The following ZKSCAN5 variants were observed in gnomAD, a reference collection of about 807,000 sequenced individuals.
The protein encoded by ZKSCAN5 is zinc finger protein with KRAB and SCAN domains 5.
Under a neutral mutation model 60.0 loss-of-function variants are expected in ZKSCAN5, and 28 were observed. The ratio of observed to expected loss-of-function variants is 0.47; its 90% CI spans 0.35 to 0.64. ZKSCAN5 has a LOEUF of 0.64. Ranked by LOEUF, ZKSCAN5 falls within the 30% of genes least tolerant of loss-of-function variation. The probability of loss-of-function intolerance (pLI) is 0.01; values close to 1 mark genes in which losing one functional copy is unlikely to be tolerated. For synonymous variants in ZKSCAN5, 361 were observed against 371.2 expected (o/e 0.97, Z 0.31); for missense variants, 881 against 1,034.6 (o/e 0.85, Z 2.04).
chr7:99,524,149 C>A (rs1362525273), intron 5 of ZKSCAN5, among the ~76,000 whole-genome samples: 1 of 151,094 alleles, frequency 6.6e-6, no homozygotes, highest in Non-Finnish European at 1.5e-5. Flanking sequence ...CAACTCACTG[C>A]AACCTCTGCC....
chr7:99,532,337 G>GT lies in ZKSCAN5; in HGVS notation c.*90dup. 7.6e-7 allele frequency: 1 copy of GT among 1,309,320 alleles called. No homozygotes were observed. The highest frequency in any genetic ancestry group is 1.6e-5 in the South Asian group (1 of 62,364). The allele number at this position is 1,309,320 out of a possible 1,614,324, so 81.1% of individuals were successfully genotyped here. A position where few individuals can be genotyped will look rare whatever the true frequency, so the allele number is the denominator to read the frequency against. On this transcript the variant is annotated 3_prime_UTR_variant, in exon 7 of 7. Coordinates refer to ENST00000326775, the MANE Select transcript of ZKSCAN5 (RefSeq NM_145102.4). ...TAACAACTTCAAGCATTTTTCCAGC[G>GT]TTACCATCAAACTCACAAATAGGTT...
chr7:99,532,806 T>C lies in ZKSCAN5; in HGVS notation c.*557T>C, dbSNP rs1802111796. 1 of 155,274 alleles carries C rather than the reference T, an allele frequency of 6.4e-6. No homozygotes were observed. The highest frequency in any genetic ancestry group is 2.0e-4 in the South Asian group (1 of 5,012). The allele number at this position is 155,274 out of a possible 1,614,324, so 9.6% of individuals were successfully genotyped here. ...TTTGAAAAGAAATGGACTTAAAGTA[T>C]CTCTGTTTTGGCAAAATTCAGGTTC... On this transcript the variant is annotated 3_prime_UTR_variant, in exon 7 of 7. Transcript: ENST00000326775.
intron 5 of ZKSCAN5, among the ~76,000 whole-genome samples, chr7:99,520,806 C>T (rs1801503450): frequency 6.6e-6 from 1 of 152,136 alleles, no homozygotes; most frequent in Non-Finnish European, 1.5e-5. Flanking sequence ...TCAAGACCAG[C>T]CTGGCCAACA....
intron 1 of ZKSCAN5, chr7:99,504,940 G>A (rs950674302): frequency 6.5e-6 from 1 of 152,768 alleles, no homozygotes; most frequent in East Asian, 1.9e-4. Flanking sequence ...AACTCTGGAG[G>A]CCCCGCCCCC....
intron 6 of ZKSCAN5, among the ~76,000 whole-genome samples, chr7:99,528,300 G>A (rs972920893): frequency 2.0e-5 from 3 of 151,854 alleles, no homozygotes; most frequent in East Asian, 1.9e-4. Flanking sequence ...CACCAATAGC[G>A]CTTTGGACTT....
In ZKSCAN5 at chr7:99,533,412, G is replaced by A. The variant is rs1023309740; in HGVS notation, c.*1163G>A. 1.9e-6 allele frequency: 1 copy of A among 535,880 alleles called. No individual in the cohort carries two copies. The highest frequency in any genetic ancestry group is 3.4e-6 in the Non-Finnish European group (1 of 294,456). 33.2% of individuals were successfully genotyped at this position (535,880 alleles called of 1,614,324 possible). A position where few individuals can be genotyped will look rare whatever the true frequency, so the allele number is the denominator to read the frequency against. On this transcript the variant is annotated 3_prime_UTR_variant, in exon 7 of 7. Transcript: ENST00000326775. ...GGGCACTGCTCAGGCCGTTTCTGCT[G>A]ACTTGCCTGGCTTACAATAAATGCC... is the stretch of plus-strand genomic sequence containing the variant.
Position 99,510,867 on chromosome 7 carries a change from G to A in ZKSCAN5, c.415-1586G>A, listed in dbSNP as rs184918713. Among the ~76,000 whole-genome samples, 733 of 152,074 alleles carry A rather than the reference G, an allele frequency of 4.8e-3. 2 individuals are homozygous for A. Among genetic ancestry groups the A allele is most frequent in the African/African-American group, 0.017 (700 of 41,466 alleles). On this transcript the variant is annotated intron_variant, in intron 2 of 6. Coordinates refer to ENST00000326775, the MANE Select transcript of ZKSCAN5 (RefSeq NM_145102.4). ...GCGATCCTCCCCACCTCAGCCTCCC[G>A]AGTAGCTGGGACTATATAGATGTAT...
chr7:99,514,145 ATACTGTG>A (rs1321652533), intron 3 of ZKSCAN5, among the ~76,000 whole-genome samples: 2 of 152,348 alleles, frequency 1.3e-5, no homozygotes, highest in East Asian at 3.9e-4. Context: ...TTATTACAAA[ATACTGTG>A]TGATGAAGTC....
intron 2 of ZKSCAN5, among the ~76,000 whole-genome samples, chr7:99,511,740 T>C (rs1432542374): frequency 4.8e-4 from 1 of 2,066 alleles, no homozygotes; most frequent in East Asian, 0.014. Context: ...ACCGTTTCAG[T>C]GTTCTCTCTG....
intron 1 of ZKSCAN5, 26 bp from the exon 2 acceptor site, chr7:99,505,970 GAAGATATTA>G: frequency 6.5e-7 from 1 of 1,533,938 alleles, no homozygotes; most frequent in African/African-American, 1.4e-5. Flanking sequence ...GTGTCCTTCA[GAAGATATTA>G]AAGAGCAGAA....
rs1181132441 is a variant in ZKSCAN5, at chr7:99,533,418, C to G, written c.*1169C>G. The stretch of plus-strand genomic sequence containing the variant: ...TGCTCAGGCCGTTTCTGCTGACTTG[C>G]CTGGCTTACAATAAATGCCCAATAA... On this transcript the variant is annotated 3_prime_UTR_variant, in exon 7 of 7. Transcript: ENST00000326775. 1.9e-6 allele frequency: 1 copy of G among 534,006 alleles called. No individual in the cohort carries two copies. The highest frequency in any genetic ancestry group is 1.9e-5 in the African/African-American group (1 of 53,204). 33.1% of individuals were successfully genotyped at this position (534,006 alleles called of 1,614,324 possible). A position where few individuals can be genotyped will look rare whatever the true frequency, so the allele number is the denominator to read the frequency against.
chr7:99,507,947 A>G (rs1274281516), intron 2 of ZKSCAN5, among the ~76,000 whole-genome samples: 1 of 152,108 alleles, frequency 6.6e-6, no homozygotes, highest in Non-Finnish European at 1.5e-5. Flanking sequence ...TTGAAAAAAT[A>G]TATGTATATA....
At chr7:99,508,156 G>A (rs957439675) in intron 2 of ZKSCAN5, among the ~76,000 whole-genome samples, 22 of 151,906 alleles carry the variant, frequency 1.4e-4, no homozygotes, top group Admixed American at 2.6e-4. Context: ...AAAATTAGCC[G>A]GGCGTGGTGG....
At chr7:99,520,365 A>G (rs1801477057) in intron 5 of ZKSCAN5, 61 bp downstream of exon 5, 19 of 1,509,888 alleles carry the variant, frequency 1.3e-5, no homozygotes, top group Non-Finnish European at 1.7e-5. Context: ...TGTAAAGAGT[A>G]TTTCTGGCTC....
At chr7:99,514,599 T>A (rs749632213) in intron 3 of ZKSCAN5, among the ~76,000 whole-genome samples, 4 of 149,868 alleles carry the variant, frequency 2.7e-5, no homozygotes, top group Non-Finnish European at 6.0e-5. Context: ...TGGCGAAAAC[T>A]CACCTCTACA....
At chr7:99,513,900 C>T (rs548273536) in intron 3 of ZKSCAN5, 353 of 160,526 alleles carry the variant, frequency 2.2e-3, no homozygotes, top group Non-Finnish European at 4.2e-3. Context: ...AAAAAATTAG[C>T]TGGGCATGGT....
At position 99,533,188 on chromosome 7, in the gene ZKSCAN5, T is replaced by C. The variant is rs370820492; in HGVS notation, c.*939T>C. 21 of 608,526 alleles carry C rather than the reference T, an allele frequency of 3.5e-5. 1 individual carries two copies. Among genetic ancestry groups the C allele is most frequent in the African/African-American group, 2.5e-4 (14 of 55,220 alleles). The allele number at this position is 608,526 out of a possible 1,614,324, so 37.7% of individuals were successfully genotyped here. A position where few individuals can be genotyped will look rare whatever the true frequency, so the allele number is the denominator to read the frequency against. On this transcript the variant is annotated 3_prime_UTR_variant, in exon 7 of 7. Coordinates refer to ENST00000326775, the MANE Select transcript of ZKSCAN5 (RefSeq NM_145102.4). ...GTGCCCCAGAAATAGACCTCTCCTG[T>C]AGAGTGGTGATATACAGAATGAGTT...
Position 99,532,021 on chromosome 7 carries a change from A to G in ZKSCAN5, c.2292A>G (p.Gln764=), listed in dbSNP as rs1237307888. The stretch of plus-strand genomic sequence containing the variant: ...AGTGTTCCCACACCAAACAACATCA[A>G]AAAATCTACTCCAGCACAAAATCCC... ...VGQCSHTKQH[Q]KIYSSTKSHQ... Residue 764 remains glutamine (Q), a synonymous_variant, in exon 7 of 7, where the codon CAA becomes CAG. Transcript: ENST00000326775. The G allele has an allele frequency of 6.2e-7, 1 of 1,614,216 alleles. No homozygotes were observed. The highest frequency in any genetic ancestry group is 8.5e-7 in the Non-Finnish European group (1 of 1,180,044).
At chr7:99,525,746 T>C in intron 5 of ZKSCAN5, 67 bp from the exon 6 acceptor site, 2 of 1,536,980 alleles carry the variant, frequency 1.3e-6, no homozygotes, top group Non-Finnish European at 1.7e-6. Flanking sequence ...CTCTTCATTA[T>C]CCCCTCATTT....
Sources: gnomAD v4.1 joint callset for allele counts (sites outside exome capture counted in the v4.1 genomes callset) on GRCh38, gnomAD v4.1.1 for gene constraint, MANE v1.5 for transcripts, NCBI Gene and HGNC (gene_info 2026-07-23, HGNC 2026-07-21) for gene names.